The following AFF2 variants were observed in gnomAD, a reference collection of about 807,000 sequenced individuals.
AFF2 encodes the protein AF4/FMR2 family member 2.
In AFF2, 14 loss-of-function variants were observed where a neutral mutation model predicts 76.9. That is an observed-to-expected ratio of 0.18 (90% CI 0.12 to 0.28). The LOEUF is 0.28. Ranked by LOEUF, AFF2 falls within the 10% of genes least tolerant of loss-of-function variation. The pLI, the probability that AFF2 is intolerant of heterozygous loss-of-function variation, is 1.00. For missense variants in AFF2, 868 were observed against 1,001.1 expected (o/e 0.87, Z 1.79); for synonymous variants, 398 against 366.7 (o/e 1.09, Z -0.98).
intron 1 of AFF2, among the ~76,000 whole-genome samples, chrX:148,607,298 C>T (rs2053681321): frequency 9.0e-6 from 1 of 111,385 alleles, no homozygotes; most frequent in African/African-American, 3.3e-5. Flanking sequence ...ACCCAAATCT[C>T]ATCTTGAATA....
intron 8 of AFF2, among the ~76,000 whole-genome samples, chrX:148,889,697 T>C (rs1396986294): frequency 1.8e-5 from 2 of 111,758 alleles, no homozygotes; most frequent in African/African-American, 6.5e-5. Context: ...TTTTCTAAGG[T>C]GGTGGGACAA....
intron 8 of AFF2, among the ~76,000 whole-genome samples, chrX:148,897,564 G>A (rs1413463548): frequency 1.9e-5 from 2 of 107,522 alleles, no homozygotes; most frequent in Non-Finnish European, 3.8e-5. Flanking sequence ...TATCACACTA[G>A]CAGGTTAATG....
intron 3 of AFF2, among the ~76,000 whole-genome samples, chrX:148,780,976 CTGTT>C (rs2069735730): frequency 8.9e-6 from 1 of 112,028 alleles, no homozygotes; most frequent in African/African-American, 3.2e-5. Flanking sequence ...CTATTGCTTT[CTGTT>C]TGTTAGTTTT....
At chrX:148,881,452 T>G (rs1603329802) in intron 7 of AFF2, among the ~76,000 whole-genome samples, 1 of 111,094 alleles carries the variant, frequency 9.0e-6, no homozygotes, top group East Asian at 2.9e-4. Flanking sequence ...ACCACTCATT[T>G]TTTTCTGAAC....
intron 7 of AFF2, among the ~76,000 whole-genome samples, chrX:148,874,526 A>C (rs1490854550): frequency 9.0e-6 from 1 of 111,514 alleles, no homozygotes; most frequent in Non-Finnish European, 1.9e-5. Context: ...CCTGTAGTCT[A>C]TTCAGCTCCC....
chrX:148,787,506 G>A (rs1193765339), intron 3 of AFF2, among the ~76,000 whole-genome samples: 1 of 111,989 alleles, frequency 8.9e-6, no homozygotes, highest in African/African-American at 3.2e-5. Context: ...CTATATCTAA[G>A]GCCATGATGT....
intron 1 of AFF2, among the ~76,000 whole-genome samples, chrX:148,531,242 C>T (rs1383479088): frequency 9.0e-6 from 1 of 111,465 alleles, no homozygotes; most frequent in Admixed American, 9.6e-5. Context: ...ACTGAATATT[C>T]GCCTTCACAA....
chrX:148,769,889 GT>G (rs1198594140), intron 3 of AFF2, among the ~76,000 whole-genome samples: 1 of 111,483 alleles, frequency 9.0e-6, no homozygotes, highest in East Asian at 2.8e-4. Flanking sequence ...AATAAAAATG[GT>G]TCCATAGCAT....
At chrX:148,834,024 G>T (rs1232225783) in intron 4 of AFF2, among the ~76,000 whole-genome samples, 4 of 112,060 alleles carry the variant, frequency 3.6e-5, no homozygotes, top group Non-Finnish European at 7.5e-5. Context: ...AGTGGTTTTG[G>T]ATTTGTTTTG....
intron 7 of AFF2, among the ~76,000 whole-genome samples, chrX:148,882,859 C>T (rs2071114189): frequency 8.9e-6 from 1 of 111,825 alleles, no homozygotes; most frequent in African/African-American, 3.3e-5. Flanking sequence ...TGCCTAGTTC[C>T]TCCAGAGATA....
At chrX:148,603,748 T>C (rs190398501) in intron 1 of AFF2, among the ~76,000 whole-genome samples, 1,602 of 110,402 alleles carry the variant, frequency 0.015, 28 homozygotes, top group African/African-American at 0.049. Flanking sequence ...GTTTTTTTTT[T>C]CCAGGGACCC....
intron 9 of AFF2, among the ~76,000 whole-genome samples, chrX:148,922,664 A>G (rs1557283336): frequency 8.9e-6 from 1 of 112,102 alleles, no homozygotes; most frequent in African/African-American, 3.2e-5. Context: ...CCCTTTGGAA[A>G]TTTGGAATAA....
intron 9 of AFF2, among the ~76,000 whole-genome samples, chrX:148,933,371 G>A (rs1365666039): frequency 9.0e-6 from 1 of 111,662 alleles, no homozygotes; most frequent in East Asian, 2.8e-4. Flanking sequence ...TGAGTGAATT[G>A]GGAGCTGCGA....
At chrX:148,797,269 C>A (rs1411426375) in intron 3 of AFF2, among the ~76,000 whole-genome samples, 2 of 111,913 alleles carry the variant, frequency 1.8e-5, no homozygotes, top group Non-Finnish European at 1.9e-5. Context: ...TCTAAGCCAA[C>A]CCGCTTGTTT....
intron 3 of AFF2, among the ~76,000 whole-genome samples, chrX:148,713,636 A>G (rs147826165): frequency 4.5e-5 from 5 of 112,271 alleles, no homozygotes; most frequent in African/African-American, 1.6e-4. Flanking sequence ...CAGCCTAATT[A>G]TAGGCATCTC....
chrX:148,683,203 T>C (rs2054567606), intron 3 of AFF2, among the ~76,000 whole-genome samples: 1 of 111,867 alleles, frequency 8.9e-6, no homozygotes, highest in Non-Finnish European at 1.9e-5. Context: ...TTTACTTTCT[T>C]TAAAAGGCTG....
intron 8 of AFF2, among the ~76,000 whole-genome samples, chrX:148,899,266 G>A (rs145727526): frequency 0.012 from 1,394 of 111,682 alleles, 24 homozygotes; most frequent in African/African-American, 0.043. Context: ...GTAATTAAGC[G>A]ATTCATTTTT....
chrX:148,617,696 C>T (rs1056097329), intron 1 of AFF2, among the ~76,000 whole-genome samples: 5 of 112,434 alleles, frequency 4.4e-5, no homozygotes, highest in African/African-American at 9.7e-5. Context: ...AATTCACACT[C>T]GCCTTATGTT....
chrX:148,589,166 T>G (rs2053497751), intron 1 of AFF2, among the ~76,000 whole-genome samples: 1 of 111,049 alleles, frequency 9.0e-6, no homozygotes, highest in South Asian at 3.9e-4. Context: ...TGATGTGACT[T>G]TTTAAATTTG....
Sources: allele counts gnomAD v4.1 joint callset (sites outside exome capture counted in the v4.1 genomes callset), GRCh38; gene constraint gnomAD v4.1.1; transcripts MANE v1.5; gene names NCBI Gene and HGNC (gene_info 2026-07-23, HGNC 2026-07-21).